KANSL1L: variants seen among roughly 807,000 people sequenced by gnomAD.
KANSL1L encodes KAT8 regulatory NSL complex subunit 1-like protein.
Under a neutral mutation model 108.6 loss-of-function variants are expected in KANSL1L, and 25 were observed. The ratio of observed to expected loss-of-function variants is 0.23; its 90% CI spans 0.17 to 0.32. The LOEUF (loss-of-function observed/expected upper bound fraction) is 0.32, where lower values mean the gene tolerates loss of function less well. Among genes scored for constraint, KANSL1L ranks in the 10% least tolerant of loss-of-function variants. The pLI is 1.00. For synonymous variants in KANSL1L, 405 were observed against 395.1 expected (o/e 1.03, Z -0.30); for missense variants, 1,137 against 1,125.7 (o/e 1.01, Z -0.14).
rs552700565 is a variant in KANSL1L at position 210,040,360 on chromosome 2, A to C, written c.2029+60T>G. The C allele has an allele frequency of 9.1e-5, 72 of 793,890 alleles. No homozygotes were observed. The South Asian group carries it at 1.1e-3, about 12-fold the overall frequency. The allele number at this position is 793,890 out of a possible 1,614,324, so 49.2% of individuals were successfully genotyped here. ...ATTTTATTTTTCTTAGAATGCAAAA[A>C]TAGTAAGTATAAAGACATAAAAAGG... On this transcript the variant is annotated intron_variant, in intron 8 of 14. Transcript: ENST00000281772.
At chr2:210,141,912 G>A (rs1431321510) in intron 2 of KANSL1L, among the ~76,000 whole-genome samples, 1 of 152,004 alleles carries the variant, frequency 6.6e-6, no homozygotes. Context: ...CTTGACTGTG[G>A]TGAATGATCC....
chr2:210,137,558 T>C (rs1174247210), intron 2 of KANSL1L, among the ~76,000 whole-genome samples: 3 of 152,196 alleles, frequency 2.0e-5, no homozygotes, highest in African/African-American at 7.2e-5. Flanking sequence ...AGACATTAAA[T>C]GAAAAATATT....
chr2:210,055,627 C>A (rs1229136747), intron 6 of KANSL1L, among the ~76,000 whole-genome samples: 1 of 152,064 alleles, frequency 6.6e-6, no homozygotes, highest in Non-Finnish European at 1.5e-5. Flanking sequence ...CTGAGGTGAT[C>A]TCAGATGGAG....
chr2:210,169,912 A>G (rs538104991), intron 1 of KANSL1L, among the ~76,000 whole-genome samples: 1 of 152,354 alleles, frequency 6.6e-6, no homozygotes, highest in Admixed American at 6.5e-5. Flanking sequence ...GAGATTAGGA[A>G]TCACTTTTCC....
At chr2:210,034,827 C>G (rs924135995) in intron 8 of KANSL1L, among the ~76,000 whole-genome samples, 3 of 152,152 alleles carry the variant, frequency 2.0e-5, no homozygotes, top group Admixed American at 6.5e-5. Flanking sequence ...TATTGTTCCT[C>G]CTCTTCCATC....
intron 8 of KANSL1L, among the ~76,000 whole-genome samples, chr2:210,037,960 CAAT>C (rs916764688): frequency 6.6e-6 from 1 of 151,996 alleles, no homozygotes; most frequent in African/African-American, 2.4e-5. Flanking sequence ...ATTGATATAA[CAAT>C]AAATATTTCT....
intron 5 of KANSL1L, among the ~76,000 whole-genome samples, chr2:210,084,720 TCTC>T (rs1333117707): frequency 6.6e-6 from 1 of 152,020 alleles, no homozygotes; most frequent in Non-Finnish European, 1.5e-5. Flanking sequence ...ATCAAGCAAT[TCTC>T]CTGCCTCAGC....
At chr2:210,118,583 G>A (rs140700860) in intron 3 of KANSL1L, among the ~76,000 whole-genome samples, 358 of 150,742 alleles carry the variant, frequency 2.4e-3, no homozygotes, top group African/African-American at 8.0e-3. Flanking sequence ...ATGGTGGCTC[G>A]TACCTGTAAT....
intron 5 of KANSL1L, among the ~76,000 whole-genome samples, chr2:210,082,977 G>C (rs897880935): frequency 6.6e-6 from 1 of 152,238 alleles, no homozygotes; most frequent in Non-Finnish European, 1.5e-5. Flanking sequence ...ACATTATTTG[G>C]AAATACTTGG....
chr2:210,154,573 C>T lies in KANSL1L; in HGVS notation c.10G>A (p.Ala4Thr). MTP[A>T]LREATAKGIS... ...CCCTTTGCTGTTGCCTCCCTCAGAG[C>T]TGGGGTCATGGCGATTCCTGTAGAT... is the stretch of plus-strand genomic sequence containing the variant. The change falls in exon 2 of 15, where the codon GCT becomes ACT. Residue 4 changes from alanine (A) to threonine (T), a missense_variant. By Grantham distance (58) the Ala-to-Thr change is moderately conservative. This residue lies in a region of KANSL1L where 556 missense variants were observed against 537.7 expected (regional missense o/e 1.03). Coordinates refer to ENST00000281772, the MANE Select transcript of KANSL1L (RefSeq NM_152519.4). The T allele has an allele frequency of 6.6e-7, 1 of 1,512,710 alleles. No homozygotes were observed. Among genetic ancestry groups the T allele is most frequent in the African/African-American group, 1.4e-5 (1 of 71,802 alleles). The allele number at this position is 1,512,710 out of a possible 1,614,324, so 93.7% of individuals were successfully genotyped here.
chr2:210,141,131 T>G (rs1211050300), intron 2 of KANSL1L, among the ~76,000 whole-genome samples: 3 of 151,408 alleles, frequency 2.0e-5, no homozygotes, highest in African/African-American at 7.3e-5. Flanking sequence ...CACTCCCTCC[T>G]TCCTTCCTCC....
Position 210,098,094 on chromosome 2 carries a change from A to C in KANSL1L, c.1542T>G (p.Ile514Met), listed in dbSNP as rs2094755806. Residue 514 changes from isoleucine to methionine, a missense_variant, in exon 5 of 15, where the codon ATT (isoleucine) becomes ATG (methionine). This residue lies in a region of KANSL1L where 575 missense variants were observed against 567.1 expected (regional missense o/e 1.01). Transcript: ENST00000281772. ...SCSHKCLANG[I>M]YRSASENLDE... The stretch of plus-strand genomic sequence containing the variant: ...ATTCCATTGATACCTACCTCCTGTA[A>C]ATGCCATTAGCCAGACATTTATGGC... The C allele has an allele frequency of 6.2e-7, 1 of 1,608,714 alleles. No homozygotes were observed.
chr2:210,154,333 T>C lies in KANSL1L; in HGVS notation c.250A>G (p.Arg84Gly), dbSNP rs758733038. The C allele has an allele frequency of 1.2e-6, 2 of 1,610,166 alleles. No individual in the cohort carries two copies. The highest frequency in any genetic ancestry group is 2.2e-5 in the East Asian group (1 of 44,860). Residue 84 changes from arginine to glycine, a missense_variant, in exon 2 of 15, where the codon AGA becomes GGA. Arg to Gly is a moderately radical substitution (Grantham distance 125). This residue lies in a region of KANSL1L where 556 missense variants were observed against 537.7 expected (regional missense o/e 1.03). Transcript: ENST00000281772. ...SKHYQTVFLM[R>G]SNSTLNKHNE... is the part of the protein sequence containing the mutation. Reference sequence around the variant, plus strand: ...TGTTTATTTAATGTAGAATTAGATCTCATTAAAAAAACAGTCTGGTAATGT... The same window carrying C: ...TGTTTATTTAATGTAGAATTAGATCCCATTAAAAAAACAGTCTGGTAATGT...
intron 5 of KANSL1L, among the ~76,000 whole-genome samples, chr2:210,079,648 A>ATATATATT: frequency 6.6e-5 from 1 of 15,200 alleles, no homozygotes; most frequent in East Asian, 2.5e-3. Flanking sequence ...ATATATATAT[A>ATATATATT]TATATATATA....
intron 1 of KANSL1L, among the ~76,000 whole-genome samples, chr2:210,165,773 T>C (rs1687916959): frequency 6.6e-6 from 1 of 152,224 alleles, no homozygotes; most frequent in Admixed American, 6.5e-5. Context: ...TACTATTAGT[T>C]GTTCTGAAAT....
chr2:210,120,397 A>T (rs1162522858), intron 3 of KANSL1L, among the ~76,000 whole-genome samples: 2 of 152,174 alleles, frequency 1.3e-5, no homozygotes, highest in East Asian at 3.8e-4. Flanking sequence ...GTCTCCAAAG[A>T]AAAAAATAAA....
At position 210,044,012 on chromosome 2, in the gene KANSL1L, C is replaced by T. The variant is rs777716295; in HGVS notation, c.1848G>A (p.Ser616=). Residue 616 remains serine (S), a synonymous_variant, in exon 7 of 15, where the codon TCG becomes TCA. Transcript: ENST00000281772. This position sits in a 1 kb window ranked among gnomAD's most constrained non-coding sequence, Gnocchi z 4.2. The part of the protein sequence containing the change: ...ASTWSSYEHN[S]ESYLLREHVS... The stretch of plus-strand genomic sequence containing the variant: ...CATGTTCTCTTAATAGGTAAGACTC[C>T]GAATTGTGTTCATAGCTACTCCAAG... 7.0e-5 allele frequency: 113 copies of T among 1,608,538 alleles called. No homozygotes were observed. The highest frequency in any genetic ancestry group is 1.6e-4 in the Middle Eastern group (1 of 6,068).
At chr2:210,119,135 G>T (rs144507376) in intron 3 of KANSL1L, among the ~76,000 whole-genome samples, 2 of 151,682 alleles carry the variant, frequency 1.3e-5, no homozygotes, top group Non-Finnish European at 2.9e-5. Flanking sequence ...AGTGAGCCAA[G>T]ATCGCACCAC....
intron 6 of KANSL1L, among the ~76,000 whole-genome samples, chr2:210,055,964 T>A (rs1036134885): frequency 3.3e-5 from 5 of 152,224 alleles, no homozygotes; most frequent in African/African-American, 9.7e-5. Context: ...TGTTTCCACC[T>A]CATGTCAGCA....
Sources: gnomAD v4.1 joint callset for allele counts (sites outside exome capture counted in the v4.1 genomes callset) on GRCh38, gnomAD v4.1.1 for gene constraint, gnomAD v4.1.1 regional missense constraint, Gnocchi (gnomAD v3.1) non-coding constraint, MANE v1.5 for transcripts, NCBI Gene and HGNC (gene_info 2026-07-23, HGNC 2026-07-21) for gene names.